Variants in ATP13A4 observed in about 807,000 individuals in gnomAD.
ATP13A4 encodes probable cation-transporting ATPase 13A4.
In ATP13A4, 114 loss-of-function variants were observed where a neutral mutation model predicts 142.5. That is an observed-to-expected ratio of 0.80 (90% CI 0.69 to 0.93). The LOEUF (loss-of-function observed/expected upper bound fraction) is 0.93. ATP13A4 is among the 40% of genes least tolerant of loss of function. The pLI is 0.00. For missense variants in ATP13A4, 1,392 were observed against 1,454.0 expected (o/e 0.96, Z 0.69); for synonymous variants, 488 against 514.8 (o/e 0.95, Z 0.70).
intron 1 of ATP13A4, among the ~76,000 whole-genome samples, chr3:193,541,143 G>A (rs1722885417): frequency 6.6e-6 from 1 of 151,320 alleles, no homozygotes; most frequent in Admixed American, 6.6e-5. Context: ...CAGCTACTCG[G>A]GAGGCTGAGG....
At chr3:193,429,378 A>T (rs950003311) in intron 25 of ATP13A4, among the ~76,000 whole-genome samples, 12 of 152,158 alleles carry the variant, frequency 7.9e-5, no homozygotes, top group Non-Finnish European at 1.8e-4. Flanking sequence ...CACAACAGCC[A>T]ACAGGTGGGA....
In ATP13A4 at chr3:193,466,027, C is replaced by T. The variant is rs781059401; in HGVS notation, c.1270G>A (p.Gly424Arg). Residue 424 changes from glycine to arginine, a missense_variant and splice_region_variant, in exon 11 of 30, where the codon GGG (glycine) becomes AGG (arginine). Transcript: ENST00000342695. ...ATAAAAGAGCAAAGACAGCTTACCC[C>T]ACTAAGCACATAGACACACAGAGTA... The part of the protein sequence containing the change: ...IYTLCVYVLS[G>R]EPPEEVVRKA... 5.0e-6 allele frequency: 8 copies of T among 1,613,958 alleles called. No homozygotes were observed. Among genetic ancestry groups the T allele is most frequent in the Admixed American group, 3.3e-5 (2 of 60,022 alleles).
At chr3:193,576,914 G>A (rs542911725) in intron 2 of ATP13A4, among the ~76,000 whole-genome samples, 1 of 152,326 alleles carries the variant, frequency 6.6e-6, no homozygotes, top group African/African-American at 2.4e-5. Context: ...TAGAATGGAT[G>A]CTTCCAAATA....
upstream of ATP13A4, among the ~76,000 whole-genome samples, chr3:193,559,387 C>A (rs1007476044): frequency 1.3e-5 from 2 of 152,160 alleles, no homozygotes; most frequent in Non-Finnish European, 2.9e-5. Flanking sequence ...GCCCTCATTA[C>A]ACAAATCTGC....
chr3:193,533,126 C>A (rs1324558676), intron 1 of ATP13A4, among the ~76,000 whole-genome samples: 1 of 152,032 alleles, frequency 6.6e-6, no homozygotes, highest in African/African-American at 2.4e-5. Flanking sequence ...TTTTTGGCAT[C>A]TCCCAGCACT....
chr3:193,498,401 C>T (rs909584132), intron 3 of ATP13A4, among the ~76,000 whole-genome samples: 13 of 151,928 alleles, frequency 8.6e-5, no homozygotes, highest in African/African-American at 2.4e-4. Flanking sequence ...GAAGGGTTGA[C>T]GCTTATGACA....
chr3:193,453,458 T>C (rs1717400998), intron 17 of ATP13A4, among the ~76,000 whole-genome samples: 1 of 152,154 alleles, frequency 6.6e-6, no homozygotes, highest in Admixed American at 6.5e-5. Context: ...ACATGATACC[T>C]GAAAAGAGTG....
At chr3:193,465,250 T>C (rs7617230) in intron 11 of ATP13A4, 122 bp from the exon 12 acceptor site, 477,097 of 1,023,926 alleles carry the variant, frequency 0.47, 113,461 homozygotes, top group African/African-American at 0.65. Context: ...TACAGTGGTG[T>C]GATCTCAGCT....
chr3:193,450,189 C>T (rs570512276), intron 17 of ATP13A4, among the ~76,000 whole-genome samples: 1 of 151,804 alleles, frequency 6.6e-6, no homozygotes, highest in Non-Finnish European at 1.5e-5. Flanking sequence ...CACTGTAACT[C>T]ACATTTTATT....
intron 5 of ATP13A4, among the ~76,000 whole-genome samples, chr3:193,492,196 T>G (rs185935839): frequency 1.1e-3 from 170 of 152,304 alleles, no homozygotes; most frequent in African/African-American, 3.9e-3. Context: ...TCCCAGGTGA[T>G]GCTGATTCTG....
At chr3:193,589,840 G>T (rs1444975249) in intron 1 of ATP13A4, among the ~76,000 whole-genome samples, 4 of 151,762 alleles carry the variant, frequency 2.6e-5, no homozygotes, top group Admixed American at 6.6e-5. Flanking sequence ...TCGTGGGTTA[G>T]GCATGTAACA....
chr3:193,551,491 A>G (rs1723560923), intron 1 of ATP13A4, among the ~76,000 whole-genome samples: 1 of 152,094 alleles, frequency 6.6e-6, no homozygotes, highest in Non-Finnish European at 1.5e-5. Flanking sequence ...GTGGGATAGT[A>G]TTTACTCAAT....
chr3:193,554,990 G>T (rs1029744780), upstream of ATP13A4: 3 of 1,436,742 alleles, frequency 2.1e-6, no homozygotes, highest in Non-Finnish European at 2.8e-6. Flanking sequence ...CTCCTCCCAC[G>T]AGTCGCCCTC....
intron 1 of ATP13A4, among the ~76,000 whole-genome samples, chr3:193,529,800 A>G (rs1396527649): frequency 6.6e-6 from 1 of 152,176 alleles, no homozygotes; most frequent in Non-Finnish European, 1.5e-5. Context: ...ATTCTAATAA[A>G]AATTTAGTTA....
chr3:193,585,621 TC>T (rs1724652962), intron 1 of ATP13A4, among the ~76,000 whole-genome samples: 1 of 152,164 alleles, frequency 6.6e-6, no homozygotes, highest in South Asian at 2.1e-4. Flanking sequence ...TATGGTACAT[TC>T]TTTTTTGAGT....
In ATP13A4 at chr3:193,414,662, G is replaced by C. The variant is rs773586256; in HGVS notation, c.2931C>G (p.Phe977Leu). The C allele has an allele frequency of 1.9e-6, 3 of 1,614,138 alleles. No individual in the cohort carries two copies. The highest frequency in any genetic ancestry group is 2.5e-6 in the Non-Finnish European group (3 of 1,180,008). ...ISPPLLLSVI[F>L]NILLSLAMHI... ...GCATGGCCAGGCTGAGAAGAATGTT[G>C]AAAATCACAGAGAGTAGCAGAGGTG... The change falls in exon 26 of 30, where the codon TTC becomes TTG. Residue 977 changes from phenylalanine to leucine, a missense_variant. Transcript: ENST00000342695.
At chr3:193,586,686 A>T (rs1724678459) in intron 1 of ATP13A4, among the ~76,000 whole-genome samples, 1 of 152,198 alleles carries the variant, frequency 6.6e-6, no homozygotes, top group African/African-American at 2.4e-5. Context: ...ATAGAGACCT[A>T]TTTCTGAACC....
chr3:193,566,920 G>T (rs1251399188), intron 2 of ATP13A4, among the ~76,000 whole-genome samples: 1 of 152,142 alleles, frequency 6.6e-6, no homozygotes, highest in East Asian at 1.9e-4. Context: ...TACCTAACAT[G>T]AATGTTTGCC....
chr3:193,522,701 T>G (rs1721788401), intron 1 of ATP13A4, among the ~76,000 whole-genome samples: 1 of 152,186 alleles, frequency 6.6e-6, no homozygotes, highest in African/African-American at 2.4e-5. Context: ...GACAGGTTCG[T>G]AGGTTCCCCT....
Sources: allele counts gnomAD v4.1 joint callset (sites outside exome capture counted in the v4.1 genomes callset), GRCh38; gene constraint gnomAD v4.1.1; transcripts MANE v1.5; gene names NCBI Gene and HGNC (gene_info 2026-07-23, HGNC 2026-07-21).